Variants in IL1B observed in about 807,000 individuals in gnomAD.
IL1B encodes the protein interleukin 1 beta, also known as interleukin-1 beta.
Under a neutral mutation model 26.2 loss-of-function variants are expected in IL1B, and 11 were observed. That is an observed-to-expected ratio of 0.42 (90% confidence interval 0.26 to 0.70). The LOEUF (loss-of-function observed/expected upper bound fraction) is 0.70. Among genes scored for constraint, IL1B ranks in the 30% least tolerant of loss-of-function variants. IL1B has a pLI of 0.25. For synonymous variants in IL1B, 118 were observed against 120.8 expected, an observed-to-expected ratio of 0.98 and a Z score of 0.15; for missense variants, 255 against 327.5, an observed-to-expected ratio of 0.78 and a Z score of 1.71.
chr2:112,836,084 G>T, intron 2 of IL1B, 99 bp downstream of exon 2: 1 of 1,121,152 alleles, frequency 8.9e-7, no homozygotes, highest in Non-Finnish European at 1.4e-6. Flanking sequence ...CACTGAAAGA[G>T]GCAATTTAGG....
intron 5 of IL1B, among the ~76,000 whole-genome samples, 160 bp from the exon 6 acceptor site, chr2:112,831,582 A>G (rs1681986812): frequency 6.6e-6 from 1 of 152,196 alleles, no homozygotes; most frequent in Non-Finnish European, 1.5e-5. Context: ...CTTCTCACAG[A>G]CAATAGCAGG....
intron 3 of IL1B, among the ~76,000 whole-genome samples, chr2:112,834,065 C>G (rs1184905930): frequency 6.6e-6 from 1 of 152,056 alleles, no homozygotes; most frequent in East Asian, 1.9e-4. Context: ...CTCTGAAGCT[C>G]AAGGAGGTTA....
At chr2:112,834,977 G>C (rs1682061462) in intron 3 of IL1B, among the ~76,000 whole-genome samples, 1 of 152,214 alleles carries the variant, frequency 6.6e-6, no homozygotes, top group Non-Finnish European at 1.5e-5. Context: ...GAGGTTGCAG[G>C]ATGCTGGAAT....
Position 112,836,237 on chromosome 2 carries a change from T to G in IL1B, c.-8A>C, listed in dbSNP as rs1468088321. 6.2e-7 allele frequency: 1 copy of G among 1,613,248 alleles called. No individual in the cohort carries two copies. The highest frequency in any genetic ancestry group is 1.3e-5 in the African/African-American group (1 of 75,008). On this transcript the variant is annotated 5_prime_UTR_variant, in exon 2 of 7. Coordinates refer to ENST00000263341, the MANE Select transcript of IL1B (RefSeq NM_000576.3). ...CTCAGGTACTTCTGCCATGGCTGCT[T>G]CAGACACCTGTGTAAAAAGGAGAAA... is the stretch of plus-strand genomic sequence containing the variant.
At chr2:112,830,726 G>A (rs1236509900) in intron 6 of IL1B, among the ~76,000 whole-genome samples, 153 bp from the exon 7 acceptor site, 2 of 152,066 alleles carry the variant, frequency 1.3e-5, no homozygotes, top group African/African-American at 2.4e-5. Context: ...CCAACTTTCC[G>A]TGTGATTATT....
At position 112,830,466 on chromosome 2, in the gene IL1B, G is replaced by A. The variant is rs749569629; in HGVS notation, c.705C>T (p.Asn235=). Residue 235 remains asparagine, a synonymous_variant, in exon 7 of 7, where the codon AAC becomes AAT. Coordinates refer to ENST00000263341, the MANE Select transcript of IL1B (RefSeq NM_000576.3). The part of the protein sequence containing the change: ...KLEFESAQFP[N]WYISTSQAEN... ...CTGCTTGAGAGGTGCTGATGTACCA[G>A]TTGGGGAACTGGGCAGACTCAAATT... 1.3e-5 allele frequency: 21 copies of A among 1,613,854 alleles called. No homozygotes were observed.
rs928321049 is a variant in IL1B at position 112,829,899 on chromosome 2, T to C, written c.*462A>G. The C allele has an allele frequency of 4.2e-5, 7 of 167,596 alleles. No individual in the cohort carries two copies. Among genetic ancestry groups the C allele is most frequent in the South Asian group, 4.1e-4 (3 of 7,292 alleles). 10.4% of individuals were successfully genotyped at this position (167,596 alleles called of 1,614,324 possible). ...TTTAAAGAGAGCACACCAGTCCAAA[T>C]TGAATTGATTCCATAGCTATTAAAA... On this transcript the variant is annotated 3_prime_UTR_variant, in exon 7 of 7. Transcript: ENST00000263341.
At position 112,831,349 on chromosome 2, in the gene IL1B, T is replaced by G. The variant is rs747380647; in HGVS notation, c.540A>C (p.Glu180Asp). The G allele has an allele frequency of 8.1e-6, 13 of 1,613,910 alleles. No homozygotes were observed. In the South Asian group the frequency reaches 1.4e-4, roughly 18 times the overall value. Residue 180 changes from glutamate (E) to aspartate (D), a missense_variant, in exon 6 of 7, where the codon GAA becomes GAC. Physicochemically the swap from Glu to Asp is conservative, Grantham distance 45. Transcript: ENST00000263341. ...ACACGCAGGACAGGTACAGATTCTT[T>G]TCCTTGAGGCCCAAGGCCACAGGTA... is the stretch of plus-strand genomic sequence containing the variant. The part of the protein sequence containing the change: ...DKIPVALGLK[E>D]KNLYLSCVLK...
In IL1B at chr2:112,833,464, T is replaced by C. The variant is rs1573278265; in HGVS notation, c.211A>G (p.Met71Val). ...ACCAGCATCTTCCTCAGCTTGTCCA[T>C]GGCCACAACAACTGACGCGGCCTGC... ...FRQAASVVVA[M>V]DKLRKMLVPC... The change falls in exon 4 of 7, where the codon ATG (methionine) becomes GTG (valine). Residue 71 changes from methionine (M) to valine (V), a missense_variant. Coordinates refer to ENST00000263341, the MANE Select transcript of IL1B (RefSeq NM_000576.3). 4 of 1,614,210 alleles carry C rather than the reference T, an allele frequency of 2.5e-6. No homozygotes were observed. The highest frequency in any genetic ancestry group is 1.6e-4 in the Middle Eastern group (1 of 6,062).
rs1386127275 is a variant in IL1B, at chr2:112,830,026, T to A, written c.*335A>T. ...AATAAATAAATAAATAGGGAAGCGG[T>A]TGCTCATCAGAATGTGGGAGCGAAT... On this transcript the variant is annotated 3_prime_UTR_variant, in exon 7 of 7. Coordinates refer to ENST00000263341, the MANE Select transcript of IL1B (RefSeq NM_000576.3). 2 of 260,278 alleles carry A rather than the reference T, an allele frequency of 7.7e-6. No individual in the cohort carries two copies. Among genetic ancestry groups the A allele is most frequent in the Non-Finnish European group, 1.5e-5 (2 of 134,764 alleles). 16.1% of individuals were successfully genotyped at this position (260,278 alleles called of 1,614,324 possible). A position where few individuals can be genotyped will look rare whatever the true frequency, so the allele number is the denominator to read the frequency against.
At position 112,830,275 on chromosome 2, in the gene IL1B, G is replaced by A. The variant is rs570717396; in HGVS notation, c.*86C>T. On this transcript the variant is annotated 3_prime_UTR_variant, in exon 7 of 7. Coordinates refer to ENST00000263341, the MANE Select transcript of IL1B (RefSeq NM_000576.3). The stretch of plus-strand genomic sequence containing the variant: ...CAACAGGAAAGTCCAGGCTATAGCC[G>A]TACTCAAAAACCTTTCTGTTCCCTT... The A allele has an allele frequency of 3.9e-5, 44 of 1,137,180 alleles. No homozygotes were observed. The highest frequency in any genetic ancestry group is 6.8e-5 in the Admixed American group (4 of 59,152). The allele number at this position is 1,137,180 out of a possible 1,614,324, so 70.4% of individuals were successfully genotyped here.
intron 3 of IL1B, among the ~76,000 whole-genome samples, 156 bp from the exon 4 acceptor site, chr2:112,833,731 T>C (rs527820940): frequency 6.6e-5 from 10 of 152,278 alleles, no homozygotes; most frequent in African/African-American, 2.4e-4. Context: ...TGGTGGCTCA[T>C]GCCTGTAATC....
At chr2:112,833,348 T>TCTA in intron 4 of IL1B, 26 bp downstream of exon 4, 1 of 1,606,060 alleles carries the variant, frequency 6.2e-7, no homozygotes, top group Non-Finnish European at 8.5e-7. Flanking sequence ...CAAGTGGAGA[T>TCTA]CTACTGCCTG....
chr2:112,832,939 C>G, intron 4 of IL1B, 113 bp from the exon 5 acceptor site: 3 of 967,126 alleles, frequency 3.1e-6, no homozygotes, highest in Non-Finnish European at 4.9e-6. Context: ...CGGTCAAAGT[C>G]TGATGACAAC....
chr2:112,829,933 C>G lies in IL1B; in HGVS notation c.*428G>C, dbSNP rs1681948387. On this transcript the variant is annotated 3_prime_UTR_variant, in exon 7 of 7. Coordinates refer to ENST00000263341, the MANE Select transcript of IL1B (RefSeq NM_000576.3). The stretch of plus-strand genomic sequence containing the variant: ...TTCCATAGCTATTAAAAACTAGGCT[C>G]TTTTACAGACACTGCTACTTCTTGC... The G allele has an allele frequency of 1.1e-5, 2 of 176,732 alleles. No homozygotes were observed. 10.9% of individuals were successfully genotyped at this position (176,732 alleles called of 1,614,324 possible).
At chr2:112,834,354 CT>C (rs996793215) in intron 3 of IL1B, among the ~76,000 whole-genome samples, 58 of 152,112 alleles carry the variant, frequency 3.8e-4, no homozygotes, top group Non-Finnish European at 6.9e-4. Context: ...CTACACTGTT[CT>C]TTTTTTTCCT....
chr2:112,830,376 T>C lies in IL1B; in HGVS notation c.795A>G (p.Gln265=). 1 of 1,613,986 alleles carries C rather than the reference T, an allele frequency of 6.2e-7. No individual in the cohort carries two copies. Among genetic ancestry groups the C allele is most frequent in the Non-Finnish European group, 8.5e-7 (1 of 1,179,918 alleles). The change falls in exon 7 of 7, where the codon CAA becomes CAG. Residue 265 remains glutamine, a synonymous_variant. Coordinates refer to ENST00000263341, the MANE Select transcript of IL1B (RefSeq NM_000576.3). The part of the protein sequence containing the change: ...GGQDITDFTM[Q]FVSS ...ACAGCTCTCTTTAGGAAGACACAAA[T>C]TGCATGGTGAAGTCAGTTATATCCT...
intron 5 of IL1B, among the ~76,000 whole-genome samples, chr2:112,832,395 C>T (rs1682003062): frequency 6.6e-6 from 1 of 152,150 alleles, no homozygotes. Flanking sequence ...ATTGACATTG[C>T]ACTATGCCCA....
Position 112,836,614 on chromosome 2 carries a change from A to G in IL1B, c.-16+94T>C, listed in dbSNP as rs182185350. On this transcript the variant is annotated intron_variant, in intron 1 of 6. Coordinates refer to ENST00000263341, the MANE Select transcript of IL1B (RefSeq NM_000576.3). ...AGGAGAGGGAGAGACAGAGAAAGAA[A>G]GAGAGAGAGAGAGAGAATATGCATA... is the stretch of plus-strand genomic sequence containing the variant. 542 of 202,758 alleles carry G rather than the reference A, an allele frequency of 2.7e-3. 2 individuals carry two copies. Among genetic ancestry groups the G allele is most frequent in the South Asian group, 5.0e-3 (77 of 15,298 alleles). The allele number at this position is 202,758 out of a possible 1,614,324, so 12.6% of individuals were successfully genotyped here.
Sources: allele counts gnomAD v4.1 joint callset (sites outside exome capture counted in the v4.1 genomes callset), GRCh38; gene constraint gnomAD v4.1.1; transcripts MANE v1.5; gene names NCBI Gene and HGNC (gene_info 2026-07-23, HGNC 2026-07-21).